The following L3MBTL3 variants were observed in gnomAD, a reference collection of about 807,000 sequenced individuals.
The protein encoded by L3MBTL3 is L3MBTL histone methyl-lysine binding protein 3, also known as lethal(3)malignant brain tumor-like protein 3.
A neutral mutation model predicts 102.3 loss-of-function variants in L3MBTL3; 27 were observed. The observed-to-expected ratio is 0.26, with a 90% confidence interval of 0.19 to 0.36. L3MBTL3 has a LOEUF of 0.36. Among genes scored for constraint, L3MBTL3 ranks in the 10% least tolerant of loss-of-function variants. L3MBTL3 has a pLI of 1.00. For synonymous variants in L3MBTL3, 340 were observed against 320.9 expected, an observed-to-expected ratio of 1.06 and a Z score of -0.64; for missense variants, 798 against 955.3, an observed-to-expected ratio of 0.84 and a Z score of 2.17.
intron 1 of L3MBTL3, among the ~76,000 whole-genome samples, chr6:130,020,903 A>C (rs1038076935): frequency 6.7e-6 from 1 of 150,312 alleles, no homozygotes; most frequent in African/African-American, 2.5e-5. Flanking sequence ...AATGCATTCG[A>C]GATCATTCAG....
At chr6:130,052,083 G>A (rs897477693) in intron 6 of L3MBTL3, among the ~76,000 whole-genome samples, 1 of 151,988 alleles carries the variant, frequency 6.6e-6, no homozygotes, top group African/African-American at 2.4e-5. Flanking sequence ...ATTTTAATCA[G>A]CACAGGCTTG....
In L3MBTL3 at chr6:130,081,422, A is replaced by ATT. The variant is rs71028192; in HGVS notation, c.1322-2185_1322-2184dup. Among the ~76,000 whole-genome samples the ATT allele has an allele frequency of 1.6e-3, 228 of 145,200 alleles. 1 individual carries two copies. The highest frequency in any genetic ancestry group is 7.1e-3 in the Middle Eastern group (2 of 282). On this transcript the variant is annotated intron_variant, in intron 14 of 22. Transcript: ENST00000361794. Reference sequence around the variant, plus strand: ...AGAACTATGTTTGCGTATTAACTCCATTTTTTTTTTTTTTGAGACGGATTC... The same window carrying ATT: ...AGAACTATGTTTGCGTATTAACTCCATTTTTTTTTTTTTTTTGAGACGGATTC...
At chr6:130,046,522 A>G (rs1230560282) in intron 3 of L3MBTL3, among the ~76,000 whole-genome samples, 3 of 152,242 alleles carry the variant, frequency 2.0e-5, no homozygotes, top group Non-Finnish European at 2.9e-5. Flanking sequence ...TGAATCAATT[A>G]AAGGTAGTTC....
chr6:130,113,414 C>G (rs758365311), intron 19 of L3MBTL3, among the ~76,000 whole-genome samples: 1 of 152,164 alleles, frequency 6.6e-6, no homozygotes, highest in African/African-American at 2.4e-5. Context: ...TCCCACATAG[C>G]CTTGTTCTCA....
chr6:130,041,364 T>C (rs989731487), intron 2 of L3MBTL3, among the ~76,000 whole-genome samples: 5 of 152,230 alleles, frequency 3.3e-5, no homozygotes, highest in Non-Finnish European at 7.3e-5. Flanking sequence ...TTACAAATTA[T>C]AATATTCTAT....
intron 14 of L3MBTL3, among the ~76,000 whole-genome samples, chr6:130,079,553 C>G (rs1233571608): frequency 6.6e-6 from 1 of 152,178 alleles, no homozygotes; most frequent in Non-Finnish European, 1.5e-5. Flanking sequence ...AAGACAGGAT[C>G]ATCAAACTGA....
At chr6:130,068,510 T>C in intron 12 of L3MBTL3, 89 bp downstream of exon 12, 2 of 679,504 alleles carry the variant, frequency 2.9e-6, no homozygotes, top group Non-Finnish European at 5.3e-6. Context: ...CAAGGAACTA[T>C]AATAAATTTT....
Position 130,052,884 on chromosome 6 carries a change from GA to G in L3MBTL3, c.477del (p.Glu160LysfsTer20). 1 of 1,613,866 alleles carries G rather than the reference GA, an allele frequency of 6.2e-7. No individual in the cohort carries two copies. Among genetic ancestry groups the G allele is most frequent in the Non-Finnish European group, 8.5e-7 (1 of 1,179,786 alleles). On this transcript the variant is annotated frameshift_variant, in exon 7 of 23. Coordinates refer to ENST00000361794, the MANE Select transcript of L3MBTL3 (RefSeq NM_032438.4). LOFTEE classifies it high-confidence loss of function. The stretch of plus-strand genomic sequence containing the variant: ...AGATCAGAAGGAAGAAAGGGACGTA[GA>G]AGAAGACAATGAGGAAGAAGATCCT... ...DKDQKEERDVEEDNEEEDPKC... is the reference protein window; with the variant it reads ...DKDQKEERDVXEDNEEEDPKC...
intron 2 of L3MBTL3, among the ~76,000 whole-genome samples, chr6:130,040,033 A>G (rs1447276059): frequency 6.6e-6 from 1 of 152,196 alleles, no homozygotes; most frequent in Non-Finnish European, 1.5e-5. Flanking sequence ...CTGTTACATT[A>G]AAATCTGTTG....
intron 16 of L3MBTL3, among the ~76,000 whole-genome samples, chr6:130,092,189 T>A (rs765933175): frequency 3.3e-5 from 5 of 152,134 alleles, no homozygotes; most frequent in Admixed American, 6.5e-5. Flanking sequence ...CTGTAGTTAT[T>A]TGCAAGGAAA....
rs1788244903 is a variant in L3MBTL3 at position 130,141,169 on chromosome 6, G to A, written c.*1416G>A. On this transcript the variant is annotated 3_prime_UTR_variant, in exon 23 of 23. Coordinates refer to ENST00000361794, the MANE Select transcript of L3MBTL3 (RefSeq NM_032438.4). The stretch of plus-strand genomic sequence containing the variant: ...GCATGCTGTCTGAATTCTGGGGTAA[G>A]TTCCACCTCTTCTTTAGTTGCTTTC... 1 of 152,174 alleles carries A rather than the reference G, an allele frequency of 6.6e-6. No individual in the cohort carries two copies. The highest frequency in any genetic ancestry group is 1.5e-5 in the Non-Finnish European group (1 of 68,034). 9.4% of individuals were successfully genotyped at this position (152,174 alleles called of 1,614,324 possible).
intron 11 of L3MBTL3, among the ~76,000 whole-genome samples, chr6:130,066,795 T>C (rs1782290429): frequency 1.3e-5 from 2 of 152,234 alleles, no homozygotes; most frequent in African/African-American, 4.8e-5. Flanking sequence ...TTGAAAAAAC[T>C]GATTTGAAAA....
At chr6:130,121,660 A>G (rs1786218719) in intron 20 of L3MBTL3, among the ~76,000 whole-genome samples, 1 of 152,196 alleles carries the variant, frequency 6.6e-6, no homozygotes, top group Non-Finnish European at 1.5e-5. Flanking sequence ...TTTAAAACGC[A>G]ATTCAGAATG....
At chr6:130,098,152 A>G (rs755188626) in intron 18 of L3MBTL3, among the ~76,000 whole-genome samples, 23 of 152,234 alleles carry the variant, frequency 1.5e-4, no homozygotes, top group Non-Finnish European at 2.8e-4. Flanking sequence ...GAGAAATTAA[A>G]CAAGAAAAGA....
chr6:130,057,542 G>A, intron 9 of L3MBTL3, 45 bp downstream of exon 9: 1 of 1,407,046 alleles, frequency 7.1e-7, no homozygotes, highest in Non-Finnish European at 9.8e-7. Context: ...CGCAGGAGCT[G>A]GGATACCAGC....
intron 7 of L3MBTL3, among the ~76,000 whole-genome samples, chr6:130,054,046 G>A (rs1277805180): frequency 6.6e-6 from 1 of 152,196 alleles, no homozygotes; most frequent in Non-Finnish European, 1.5e-5. Flanking sequence ...TTTAGGTTGG[G>A]TTGTCAGGGA....
rs1781495921 is a variant in L3MBTL3, at chr6:130,056,169, C to T, written c.667+914C>T. ...TCTCGAACTCCTGACCTCAAGCCAT[C>T]TGCCCGTGTCTACCTCCCAAAGTGC... On this transcript the variant is annotated intron_variant, in intron 8 of 22. Transcript: ENST00000361794. Among the ~76,000 whole-genome samples, 4 of 152,176 alleles carry T rather than the reference C, an allele frequency of 2.6e-5. No homozygotes were observed. In the South Asian group the frequency reaches 8.3e-4, roughly 31 times the overall value.
At chr6:130,084,266 A>G (rs1211136556) in intron 15 of L3MBTL3, among the ~76,000 whole-genome samples, 2 of 152,182 alleles carry the variant, frequency 1.3e-5, no homozygotes, top group African/African-American at 4.8e-5. Context: ...AAGGAATAAG[A>G]AGTGAAATAT....
intron 19 of L3MBTL3, among the ~76,000 whole-genome samples, chr6:130,114,885 C>G (rs556226219): frequency 1.3e-5 from 2 of 152,282 alleles, no homozygotes; most frequent in African/African-American, 4.8e-5. Flanking sequence ...AGGTGGTGAT[C>G]TCCTTGACCT....
Sources: gnomAD v4.1 joint callset for allele counts (sites outside exome capture counted in the v4.1 genomes callset) on GRCh38, gnomAD v4.1.1 for gene constraint, MANE v1.5 for transcripts, NCBI Gene and HGNC (gene_info 2026-07-23, HGNC 2026-07-21) for gene names.